The following COL5A1 variants were observed in gnomAD, a reference collection of about 807,000 sequenced individuals.
COL5A1 encodes the protein collagen type V alpha 1 chain.
Under a neutral mutation model 263.7 loss-of-function variants are expected in COL5A1, and 16 were observed. The observed-to-expected ratio is 0.06, with a 90% CI of 0.04 to 0.09. COL5A1 has a LOEUF of 0.09. Among genes scored for constraint, COL5A1 ranks in the 10% least tolerant of loss-of-function variants. COL5A1 has a pLI of 1.00. For synonymous variants in COL5A1, 1,012 were observed against 1,004.5 expected (o/e 1.01, Z -0.14); for missense variants, 2,036 against 2,540.5 (o/e 0.80, Z 4.27).
intron 18 of COL5A1, among the ~76,000 whole-genome samples, chr9:134,760,888 C>A (rs1429965015): frequency 6.8e-6 from 1 of 147,806 alleles, no homozygotes; most frequent in African/African-American, 2.5e-5. Context: ...CGCATACATA[C>A]CCACACACGC....
At chr9:134,830,292 G>C in intron 64 of COL5A1, 1 of 1,049,886 alleles carries the variant, frequency 9.5e-7, no homozygotes, top group South Asian at 1.4e-5. Context: ...TTGCCAAACC[G>C]CTCCACATCA....
chr9:134,784,981 G>A lies in COL5A1; in HGVS notation c.2485-8G>A. On this transcript the variant is annotated splice_region_variant and splice_polypyrimidine_tract_variant and intron_variant, in intron 29 of 65. Transcript: ENST00000371817. ...TGGTCTTCTCACCTCCTCTTTTCTG[G>A]CTTGCAGGGGGAGATCGGCCCACCC... The A allele has an allele frequency of 6.2e-7, 1 of 1,610,710 alleles. No homozygotes were observed. The highest frequency in any genetic ancestry group is 8.5e-7 in the Non-Finnish European group (1 of 1,177,836).
rs556097869 is a variant in COL5A1 at position 134,842,694 on chromosome 9, C to A, written c.*391C>A. On this transcript the variant is annotated 3_prime_UTR_variant, in exon 66 of 66. Transcript: ENST00000371817. The surrounding 1 kb of genome is among the most constrained non-coding windows in gnomAD (Gnocchi z 5.8). ...TGGACACTATATTTTTTTCTAAATT[C>A]AACTTGAAGATGTGTATTTCCCCTG... The A allele has an allele frequency of 3.5e-6, 1 of 284,662 alleles. No homozygotes were observed. The highest frequency in any genetic ancestry group is 5.0e-5 in the South Asian group (1 of 20,118). The allele number at this position is 284,662 out of a possible 1,614,324, so 17.6% of individuals were successfully genotyped here. A position where few individuals can be genotyped will look rare whatever the true frequency, so the allele number is the denominator to read the frequency against.
At chr9:134,659,399 A>C (rs1832131741) in intron 1 of COL5A1, among the ~76,000 whole-genome samples, 2 of 152,128 alleles carry the variant, frequency 1.3e-5, no homozygotes, top group Admixed American at 6.5e-5. Flanking sequence ...CAATAATAAT[A>C]ATCATAATCA....
intron 4 of COL5A1, chr9:134,709,183 A>G: frequency 2.9e-6 from 1 of 350,460 alleles, no homozygotes; most frequent in South Asian, 2.1e-5. Context: ...CCAGCGTGGA[A>G]AAGGGGTTTT....
At chr9:134,672,708 T>C (rs1294991263) in intron 1 of COL5A1, among the ~76,000 whole-genome samples, 1 of 152,166 alleles carries the variant, frequency 6.6e-6, no homozygotes, top group Non-Finnish European at 1.5e-5. Context: ...GGCATATTGA[T>C]TGGAAAGGAT....
chr9:134,750,817 G>T lies in COL5A1; in HGVS notation c.1597G>T (p.Gly533Cys). Residue 533 changes from glycine (G) to cysteine (C), a missense_variant, in exon 13 of 66, where the codon GGC becomes TGC. By Grantham distance (159) the Gly-to-Cys change is radical (BLOSUM62 -3). Coordinates refer to ENST00000371817, the MANE Select transcript of COL5A1 (RefSeq NM_000093.5). ...CCGGTTTGGAGGTGGCGGCGATGCG[G>T]GCTCCAAAGGCCCCATGGTCTCAGC... is the stretch of plus-strand genomic sequence containing the variant. ...PFRFGGGGDA[G>C]SKGPMVSAQE... The T allele has an allele frequency of 3.7e-6, 6 of 1,613,234 alleles. No homozygotes were observed. Among genetic ancestry groups the T allele is most frequent in the Non-Finnish European group, 3.4e-6 (4 of 1,180,032 alleles).
chr9:134,778,825 A>G (rs979852721), intron 27 of COL5A1, among the ~76,000 whole-genome samples: 1 of 152,244 alleles, frequency 6.6e-6, no homozygotes, highest in Admixed American at 6.5e-5. Flanking sequence ...TCCAGTGATT[A>G]TGGTTCAGGG....
chr9:134,758,271 G>C lies in COL5A1; in HGVS notation c.1910G>C (p.Gly637Ala), dbSNP rs777506210. 5 of 1,614,042 alleles carry C rather than the reference G, an allele frequency of 3.1e-6. No individual in the cohort carries two copies. The highest frequency in any genetic ancestry group is 1.7e-5 in the Admixed American group (1 of 60,028). The change falls in exon 18 of 66, where the codon GGG becomes GCG. Residue 637 changes from glycine (G) to alanine (A), a missense_variant. By Grantham distance (60) the Gly-to-Ala change is moderately conservative (BLOSUM62 0). Transcript: ENST00000371817. This position sits in a 1 kb window ranked among gnomAD's most constrained non-coding sequence, Gnocchi z 4.1. ...GACCGGGGTTTCGACGGCCTGGCTG[G>C]GTTGCCAGGCGAGAAGGGCCACAGG... is the stretch of plus-strand genomic sequence containing the variant. ...KGDRGFDGLA[G>A]LPGEKGHRGD...
intron 26 of COL5A1, among the ~76,000 whole-genome samples, chr9:134,773,194 A>G (rs1836925633): frequency 6.6e-6 from 1 of 152,038 alleles, no homozygotes; most frequent in Admixed American, 6.6e-5. Context: ...GGGAGATGCT[A>G]TTATGAATGG....
intron 5 of COL5A1, 42 bp from the exon 6 acceptor site, chr9:134,728,628 C>A (rs3124302): frequency 6.2e-7 from 1 of 1,612,588 alleles, no homozygotes; most frequent in Admixed American, 1.7e-5. Flanking sequence ...GGTCGCTCTG[C>A]GGGCTCCGCT....
At chr9:134,709,340 C>T (rs977269107) in intron 4 of COL5A1, 26 of 293,460 alleles carry the variant, frequency 8.9e-5, no homozygotes, top group African/African-American at 3.6e-4. Flanking sequence ...GGCTAGCAGG[C>T]GGTTGGCCAA....
At chr9:134,804,844 C>A in intron 39 of COL5A1, 131 bp from the exon 40 acceptor site, 1 of 789,788 alleles carries the variant, frequency 1.3e-6, no homozygotes, top group Non-Finnish European at 2.2e-6. Flanking sequence ...CTTGGCCTCG[C>A]TCTGGGACTG....
At chr9:134,690,473 T>C (rs1020876964) in intron 1 of COL5A1, among the ~76,000 whole-genome samples, 1 of 152,192 alleles carries the variant, frequency 6.6e-6, no homozygotes, top group Non-Finnish European at 1.5e-5. Context: ...GGGCCTTCTG[T>C]GGCCTTCCAG....
intron 23 of COL5A1, 87 bp from the exon 24 acceptor site, chr9:134,767,223 T>C: frequency 2.7e-6 from 4 of 1,489,296 alleles, no homozygotes; most frequent in Non-Finnish European, 3.7e-6. Flanking sequence ...GAGGGAGACA[T>C]CAATGAGAAG....
chr9:134,718,226 C>T (rs1198860196), intron 4 of COL5A1, among the ~76,000 whole-genome samples: 3 of 152,232 alleles, frequency 2.0e-5, no homozygotes, highest in South Asian at 2.1e-4. Flanking sequence ...ATGCTCCCGC[C>T]GTGGCCGCCG....
intron 42 of COL5A1, among the ~76,000 whole-genome samples, chr9:134,807,840 G>A (rs1838352234): frequency 2.6e-5 from 4 of 152,232 alleles, no homozygotes; most frequent in Admixed American, 2.6e-4. Flanking sequence ...TGTATAGAGT[G>A]CACACAAAGT....
intron 10 of COL5A1, 66 bp from the exon 11 acceptor site, chr9:134,738,680 G>T (rs1056509034): frequency 1.8e-5 from 26 of 1,417,122 alleles, no homozygotes; most frequent in Non-Finnish European, 2.6e-5. Flanking sequence ...TGGTTGGCCA[G>T]TTGGAACTTG....
intron 1 of COL5A1, among the ~76,000 whole-genome samples, chr9:134,657,391 T>C (rs1029651732): frequency 6.7e-5 from 1 of 14,910 alleles, no homozygotes; most frequent in East Asian, 2.3e-3. Flanking sequence ...GGGGGTGGGG[T>C]GGGGGTGTAG....
Sources: allele counts gnomAD v4.1 joint callset (sites outside exome capture counted in the v4.1 genomes callset), GRCh38; gene constraint gnomAD v4.1.1; non-coding constraint Gnocchi (gnomAD v3.1); transcripts MANE v1.5; gene names NCBI Gene and HGNC (gene_info 2026-07-23, HGNC 2026-07-21).